SAP130: variants seen among roughly 807,000 people sequenced by gnomAD.
SAP130 encodes the protein histone deacetylase complex subunit SAP130.
Under a neutral mutation model 103.2 loss-of-function variants are expected in SAP130, and 16 were observed. The ratio of observed to expected loss-of-function variants is 0.16; its 90% CI spans 0.10 to 0.24. The LOEUF (loss-of-function observed/expected upper bound fraction) is 0.24, where lower values mean the gene tolerates loss of function less well. Ranked by LOEUF, SAP130 falls within the 10% of genes least tolerant of loss-of-function variation. The probability of loss-of-function intolerance (pLI) is 1.00; values close to 1 mark genes in which losing one functional copy is unlikely to be tolerated. For synonymous variants in SAP130, 477 were observed against 497.0 expected (o/e 0.96, Z 0.53); for missense variants, 990 against 1,359.7 (o/e 0.73, Z 4.28).
intron 15 of SAP130, among the ~76,000 whole-genome samples, chr2:127,964,893 G>A (rs1680534403): frequency 6.6e-6 from 1 of 151,960 alleles, no homozygotes; most frequent in Non-Finnish European, 1.5e-5. Context: ...CAGCTACTCA[G>A]GAGACTGAGA....
intron 15 of SAP130, among the ~76,000 whole-genome samples, chr2:127,958,697 T>C (rs935904017): frequency 1.4e-4 from 21 of 150,518 alleles, no homozygotes; most frequent in Middle Eastern, 6.9e-3. Context: ...TCTCTCACTG[T>C]GTTGCCTAGG....
In SAP130 at chr2:127,989,515, A is replaced by G. The variant is rs974673132; in HGVS notation, c.1780+49T>C. On this transcript the variant is annotated intron_variant, in intron 13 of 20. Transcript: ENST00000643581. The surrounding 1 kb of genome is among the most constrained non-coding windows in gnomAD (Gnocchi z 4.6). ...TGGCAGAGAAAGGATTTAAACCCAA[A>G]TGTATTTCTTTTCTCCAAACCACCT... The G allele has an allele frequency of 6.6e-7, 1 of 1,514,142 alleles. No homozygotes were observed. Among genetic ancestry groups the G allele is most frequent in the Non-Finnish European group, 9.0e-7 (1 of 1,114,352 alleles). 93.8% of individuals were successfully genotyped at this position (1,514,142 alleles called of 1,614,324 possible). A position where few individuals can be genotyped will look rare whatever the true frequency, so the allele number is the denominator to read the frequency against.
intron 15 of SAP130, among the ~76,000 whole-genome samples, chr2:127,972,601 C>T (rs1453852565): frequency 1.3e-5 from 2 of 152,066 alleles, no homozygotes; most frequent in South Asian, 2.1e-4. Context: ...CTACTAAAAA[C>T]ACAAAAATTA....
At chr2:128,018,328 A>C (rs1163903150) in intron 2 of SAP130, among the ~76,000 whole-genome samples, 7 of 148,120 alleles carry the variant, frequency 4.7e-5, no homozygotes, top group Admixed American at 6.6e-5. Context: ...AAAAAAAAAA[A>C]AAACAAACCA....
chr2:127,945,424 G>C, intron 19 of SAP130, 32 bp downstream of exon 19: 1 of 1,308,964 alleles, frequency 7.6e-7, no homozygotes, highest in Non-Finnish European at 1.1e-6. Context: ...CCTCTCTTCA[G>C]CATGATGAAC....
Position 127,955,252 on chromosome 2 carries a change from G to A in SAP130, c.2156C>T (p.Thr719Ile), listed in dbSNP as rs1679757613. The change falls in exon 16 of 21, where the codon ACC becomes ATC. Residue 719 changes from threonine (T) to isoleucine (I), a missense_variant. Physicochemically the swap from Thr to Ile is moderately conservative, Grantham distance 89. Transcript: ENST00000643581. The surrounding 1 kb of genome is among the most constrained non-coding windows in gnomAD (Gnocchi z 4.9). The stretch of plus-strand genomic sequence containing the variant: ...CTGGGCAGTTGGAGGGACGGCAATG[G>A]TAGGCTGATCATTATTTTGATTGGA... ...TVSNQNNDQP[T>I]IAVPPTAQQP... is the part of the protein sequence containing the mutation. 7 of 1,614,090 alleles carry A rather than the reference G, an allele frequency of 4.3e-6. No homozygotes were observed. In the East Asian group the frequency reaches 1.6e-4, roughly 36 times the overall value.
chr2:127,977,689 C>G (rs1025504532), intron 15 of SAP130, among the ~76,000 whole-genome samples: 41 of 152,064 alleles, frequency 2.7e-4, no homozygotes, highest in African/African-American at 9.9e-4. Flanking sequence ...AAATGGGAAT[C>G]AGAGAGGTTG....
chr2:128,003,254 C>A (rs1423464233), intron 7 of SAP130, among the ~76,000 whole-genome samples: 2 of 151,882 alleles, frequency 1.3e-5, no homozygotes, highest in Non-Finnish European at 2.9e-5. Flanking sequence ...CATCTGTAAG[C>A]CCTAGCACTT....
rs1678759851 is a variant in SAP130 at position 127,942,246 on chromosome 2, G to A, written c.3016-82C>T. Reference sequence around the variant, plus strand: ...AAAAAACTGCTTGCCTTTGGGCAGAGGCCATGTTGAGGCTTCCACAACAGA... The same window carrying A: ...AAAAAACTGCTTGCCTTTGGGCAGAAGCCATGTTGAGGCTTCCACAACAGA... On this transcript the variant is annotated intron_variant, in intron 20 of 20. Coordinates refer to ENST00000643581, the MANE Select transcript of SAP130 (RefSeq NM_001330301.2). The surrounding 1 kb of genome is among the most constrained non-coding windows in gnomAD (Gnocchi z 4.8). 2.2e-6 allele frequency: 3 copies of A among 1,372,318 alleles called. No individual in the cohort carries two copies. The highest frequency in any genetic ancestry group is 3.0e-6 in the Non-Finnish European group (3 of 998,442). The allele number at this position is 1,372,318 out of a possible 1,614,324, so 85.0% of individuals were successfully genotyped here.
At chr2:128,023,417 A>G (rs1287133405) in intron 2 of SAP130, among the ~76,000 whole-genome samples, 1 of 152,146 alleles carries the variant, frequency 6.6e-6, no homozygotes, top group Non-Finnish European at 1.5e-5. Context: ...TGCTGGGATA[A>G]CAGGCATGAG....
At chr2:128,017,191 G>A (rs565914759) in intron 3 of SAP130, among the ~76,000 whole-genome samples, 135 of 152,228 alleles carry the variant, frequency 8.9e-4, no homozygotes, top group African/African-American at 3.1e-3. Flanking sequence ...GCGTAGTGAC[G>A]TGCGCCTGTA....
chr2:127,944,879 G>A (rs1260886032), intron 19 of SAP130, among the ~76,000 whole-genome samples: 2 of 143,942 alleles, frequency 1.4e-5, no homozygotes, highest in Non-Finnish European at 1.5e-5. Flanking sequence ...TCCAACCTGG[G>A]TAACAGAGCA....
intron 7 of SAP130, among the ~76,000 whole-genome samples, chr2:128,008,165 C>T (rs1559092884): frequency 6.6e-6 from 1 of 152,304 alleles, no homozygotes. Context: ...CTCTTCTTGT[C>T]TGCACTATTG....
At chr2:128,012,268 G>A (rs537292740) in intron 6 of SAP130, among the ~76,000 whole-genome samples, 61 of 152,252 alleles carry the variant, frequency 4.0e-4, no homozygotes, top group Middle Eastern at 3.4e-3. Flanking sequence ...TCAGGAGTTC[G>A]AGACCAGCCT....
At chr2:128,005,615 A>G (rs1683903360) in intron 7 of SAP130, among the ~76,000 whole-genome samples, 1 of 152,110 alleles carries the variant, frequency 6.6e-6, no homozygotes. Context: ...TCAAAAGAAA[A>G]AAAAACAAAC....
chr2:127,982,519 G>A (rs762011723), intron 14 of SAP130, among the ~76,000 whole-genome samples: 1 of 152,144 alleles, frequency 6.6e-6, no homozygotes, highest in South Asian at 2.1e-4. Context: ...GCAATTTGTC[G>A]ACTAACAGTG....
At chr2:128,007,520 T>C (rs906492128) in intron 7 of SAP130, among the ~76,000 whole-genome samples, 1 of 152,240 alleles carries the variant, frequency 6.6e-6, no homozygotes, top group African/African-American at 2.4e-5. Context: ...CTGAATACAT[T>C]AACTTTTATA....
chr2:128,014,441 A>G (rs1684625532), intron 5 of SAP130, among the ~76,000 whole-genome samples: 3 of 118,258 alleles, frequency 2.5e-5, no homozygotes, highest in Non-Finnish European at 5.4e-5. Flanking sequence ...CCTGAGTGCC[A>G]TCCTCCCATC....
intron 15 of SAP130, among the ~76,000 whole-genome samples, chr2:127,965,739 G>A (rs772152908): frequency 4.6e-5 from 7 of 151,766 alleles, no homozygotes; most frequent in East Asian, 2.0e-4. Flanking sequence ...ACAGTGAGCC[G>A]AGATCATGCC....
Sources: gnomAD v4.1 joint callset for allele counts (sites outside exome capture counted in the v4.1 genomes callset) on GRCh38, gnomAD v4.1.1 for gene constraint, Gnocchi (gnomAD v3.1) non-coding constraint, MANE v1.5 for transcripts, NCBI Gene and HGNC (gene_info 2026-07-23, HGNC 2026-07-21) for gene names.